EFCAB11: variants seen among roughly 807,000 people sequenced by gnomAD.
The protein encoded by EFCAB11 is EF-hand calcium-binding domain-containing protein 11.
A neutral mutation model predicts 23.0 loss-of-function variants in EFCAB11; 14 were observed. The observed-to-expected ratio is 0.61, with a 90% confidence interval of 0.40 to 0.95. The LOEUF is 0.95. Ranked by LOEUF, EFCAB11 falls within the 40% of genes least tolerant of loss-of-function variation. EFCAB11 has a pLI of 0.00. For synonymous variants in EFCAB11, 65 were observed against 66.6 expected, an observed-to-expected ratio of 0.98 and a Z score of 0.11; for missense variants, 198 against 195.8, an observed-to-expected ratio of 1.01 and a Z score of -0.07.
intron 5 of EFCAB11, among the ~76,000 whole-genome samples, chr14:89,843,722 ATTCATGATTTTGTAAC>A (rs757342984): frequency 6.6e-6 from 1 of 152,226 alleles, no homozygotes; most frequent in Non-Finnish European, 1.5e-5. Flanking sequence ...TCCAAGCAAA[ATTCATGATTTTGTAAC>A]ATCTTACACT....
intron 3 of EFCAB11, chr14:89,938,230 T>G (rs1267096143): frequency 6.6e-6 from 1 of 152,182 alleles, no homozygotes; most frequent in Admixed American, 6.5e-5. Context: ...AGCCTGGTCC[T>G]AGATTTAGTA....
chr14:89,896,521 TA>T (rs761704436), intron 5 of EFCAB11, among the ~76,000 whole-genome samples: 11 of 152,196 alleles, frequency 7.2e-5, no homozygotes, highest in Non-Finnish European at 1.5e-4. Context: ...ACTATCTAAG[TA>T]AACATTCGTG....
At chr14:89,948,338 G>A (rs915128774) in intron 3 of EFCAB11, among the ~76,000 whole-genome samples, 8 of 152,078 alleles carry the variant, frequency 5.3e-5, no homozygotes, top group Non-Finnish European at 7.4e-5. Context: ...AATAACAAAC[G>A]CTGGCAAGGA....
At chr14:89,916,176 A>G (rs1889835271) in intron 5 of EFCAB11, among the ~76,000 whole-genome samples, 1 of 151,890 alleles carries the variant, frequency 6.6e-6, no homozygotes, top group Non-Finnish European at 1.5e-5. Context: ...AAAGAAAAAA[A>G]GAAAAAAACA....
intron 5 of EFCAB11, among the ~76,000 whole-genome samples, chr14:89,907,745 G>A (rs1889542637): frequency 6.6e-6 from 1 of 152,174 alleles, no homozygotes; most frequent in African/African-American, 2.4e-5. Flanking sequence ...GAAAGGCAAA[G>A]ATCCTCCTTT....
chr14:89,867,955 C>T (rs577022340), intron 5 of EFCAB11, among the ~76,000 whole-genome samples: 8 of 152,324 alleles, frequency 5.3e-5, no homozygotes, highest in African/African-American at 1.9e-4. Flanking sequence ...AAGCCTTAGA[C>T]ATCAAGATAT....
intron 5 of EFCAB11, among the ~76,000 whole-genome samples, chr14:89,917,384 T>TC (rs1889884413): frequency 6.6e-6 from 1 of 152,308 alleles, no homozygotes; most frequent in East Asian, 1.9e-4. Context: ...TAGCATAATG[T>TC]CCCCAGATTC....
intron 5 of EFCAB11, among the ~76,000 whole-genome samples, chr14:89,889,590 G>C (rs375866051): frequency 6.6e-6 from 1 of 152,230 alleles, no homozygotes; most frequent in East Asian, 1.9e-4. Context: ...TTTCAGGAAG[G>C]TTCCTACCAC....
chr14:89,914,107 T>C (rs753413901), intron 5 of EFCAB11, among the ~76,000 whole-genome samples: 4 of 152,362 alleles, frequency 2.6e-5, no homozygotes, highest in Middle Eastern at 6.8e-3. Flanking sequence ...CAGATCAACA[T>C]GGAAACATCC....
intron 5 of EFCAB11, among the ~76,000 whole-genome samples, chr14:89,857,193 G>C (rs1253250978): frequency 6.6e-6 from 1 of 152,182 alleles, no homozygotes; most frequent in Non-Finnish European, 1.5e-5. Context: ...TTACTTATAG[G>C]CTTGTTAAAC....
intron 5 of EFCAB11, 143 bp downstream of exon 5, chr14:89,931,398 C>G: frequency 1.3e-6 from 1 of 758,806 alleles, no homozygotes; most frequent in Non-Finnish European, 2.2e-6. Flanking sequence ...AGATTTCCCT[C>G]CTGGACCATG....
chr14:89,859,876 T>C (rs566822067), intron 5 of EFCAB11, among the ~76,000 whole-genome samples: 76 of 152,302 alleles, frequency 5.0e-4, no homozygotes, highest in Admixed American at 1.2e-3. Flanking sequence ...ATATATAGTA[T>C]AGCCATGCAT....
rs568042017 is a variant in EFCAB11, at chr14:89,951,947, T to C, written c.172-1805A>G. ...CTCAACAAATAAATAAACTTAATTA[T>C]GTAAAAAACTGCATGAATGTATAAG... On this transcript the variant is annotated intron_variant, in intron 2 of 5. Coordinates refer to ENST00000316738, the MANE Select transcript of EFCAB11 (RefSeq NM_145231.4). 8.5e-5 allele frequency among the ~76,000 whole-genome samples: 13 copies of C among 152,178 alleles called. No homozygotes were observed. In the South Asian group the frequency reaches 2.5e-3, roughly 29 times the overall value.
intron 3 of EFCAB11, among the ~76,000 whole-genome samples, chr14:89,939,794 A>G (rs1182192801): frequency 6.6e-6 from 1 of 152,224 alleles, no homozygotes; most frequent in African/African-American, 2.4e-5. Flanking sequence ...GCTGGAGTGC[A>G]GTGGCGGGAT....
intron 5 of EFCAB11, among the ~76,000 whole-genome samples, chr14:89,907,802 T>C (rs1435372228): frequency 3.3e-5 from 5 of 152,230 alleles, no homozygotes; most frequent in Non-Finnish European, 7.3e-5. Context: ...AGTCAGACTG[T>C]CTGGTCCAAG....
intron 5 of EFCAB11, among the ~76,000 whole-genome samples, chr14:89,910,889 G>A (rs756373308): frequency 2.0e-5 from 3 of 152,062 alleles, no homozygotes; most frequent in Non-Finnish European, 4.4e-5. Flanking sequence ...AATGATTGGA[G>A]GACAGGGTAA....
intron 5 of EFCAB11, among the ~76,000 whole-genome samples, chr14:89,822,812 T>C (rs930149740): frequency 2.6e-5 from 4 of 152,114 alleles, no homozygotes; most frequent in Admixed American, 2.6e-4. Context: ...ACCTCAGAAA[T>C]AGGGCTAAAT....
intron 5 of EFCAB11, among the ~76,000 whole-genome samples, chr14:89,896,882 C>G (rs1889184427): frequency 6.6e-6 from 1 of 152,132 alleles, no homozygotes; most frequent in South Asian, 2.1e-4. Flanking sequence ...TGCCACCACA[C>G]CTGGCTAATT....
chr14:89,836,497 G>T, intron 5 of EFCAB11: 1 of 452,218 alleles, frequency 2.2e-6, no homozygotes, highest in Non-Finnish European at 4.5e-6. Flanking sequence ...CATGGATGTT[G>T]GGGGCGGTGT....
Sources: allele counts gnomAD v4.1 joint callset (sites outside exome capture counted in the v4.1 genomes callset), GRCh38; gene constraint gnomAD v4.1.1; transcripts MANE v1.5; gene names NCBI Gene and HGNC (gene_info 2026-07-23, HGNC 2026-07-21).